QTMAN: variants seen among roughly 807,000 people sequenced by gnomAD.
QTMAN encodes the protein tRNA-queuosine alpha-mannosyltransferase.
chr2:144,174,416 T>A, the QTMAN span, among the ~76,000 whole-genome samples: 2 of 152,320 alleles, frequency 1.3e-5, no homozygotes, highest in African/African-American at 4.8e-5. Flanking sequence ...ATGTCCAGTG[T>A]CTCGAAAATC....
chr2:144,330,990 T>G, the QTMAN span, among the ~76,000 whole-genome samples: 19 of 152,208 alleles, frequency 1.2e-4, no homozygotes, highest in Admixed American at 1.2e-3. Context: ...CTTTGCAAAC[T>G]GGTGATGTTA....
At chr2:144,119,177 C>T in the QTMAN span, among the ~76,000 whole-genome samples, 1 of 151,954 alleles carries the variant, frequency 6.6e-6, no homozygotes, top group Admixed American at 6.6e-5. Flanking sequence ...GGATTAATTC[C>T]CAGAGTTCAT....
At chr2:144,146,137 T>C in the QTMAN span, among the ~76,000 whole-genome samples, 1 of 150,440 alleles carries the variant, frequency 6.6e-6, no homozygotes, top group African/African-American at 2.4e-5. Context: ...TCCTTCTTTA[T>C]GCAACCAACT....
the QTMAN span, among the ~76,000 whole-genome samples, chr2:144,296,517 CA>C: frequency 6.6e-6 from 1 of 152,058 alleles, no homozygotes; most frequent in Non-Finnish European, 1.5e-5. Context: ...TATTAAAGTA[CA>C]AAAAATATTC....
chr2:144,134,959 G>A, the QTMAN span, among the ~76,000 whole-genome samples: 67 of 152,042 alleles, frequency 4.4e-4, no homozygotes, highest in African/African-American at 1.6e-3. Flanking sequence ...GCAGACAATT[G>A]ATAAATATAT....
At chr2:144,222,205 G>A in the QTMAN span, among the ~76,000 whole-genome samples, 20 of 151,364 alleles carry the variant, frequency 1.3e-4, no homozygotes, top group Non-Finnish European at 2.2e-4. Flanking sequence ...GACAACAGGC[G>A]CCCGCCACCA....
the QTMAN span, among the ~76,000 whole-genome samples, chr2:143,958,788 T>A: frequency 3.3e-5 from 5 of 149,882 alleles, no homozygotes; most frequent in African/African-American, 1.2e-4. Flanking sequence ...CTTTCTTTTT[T>A]TTTTTTTTTT....
At chr2:144,178,273 G>A in the QTMAN span, 13 of 152,020 alleles carry the variant, frequency 8.6e-5, no homozygotes, top group African/African-American at 3.1e-4. Context: ...GATTCTTCAC[G>A]CTTATCCACC....
At chr2:144,124,402 T>C in the QTMAN span, among the ~76,000 whole-genome samples, 1 of 152,180 alleles carries the variant, frequency 6.6e-6, no homozygotes, top group Non-Finnish European at 1.5e-5. Flanking sequence ...TCATACGAAT[T>C]AAATAAGATA....
the QTMAN span, among the ~76,000 whole-genome samples, chr2:144,265,511 T>C: frequency 2.0e-5 from 3 of 151,888 alleles, no homozygotes; most frequent in African/African-American, 7.3e-5. Flanking sequence ...TCCTCGCTAA[T>C]ACGGTGAAAC....
chr2:144,232,861 T>C, the QTMAN span, among the ~76,000 whole-genome samples: 3 of 152,204 alleles, frequency 2.0e-5, no homozygotes, highest in African/African-American at 7.2e-5. Flanking sequence ...AAATTCATTA[T>C]GCCACATTTT....
At chr2:144,079,509 A>G in the QTMAN span, among the ~76,000 whole-genome samples, 1 of 152,134 alleles carries the variant, frequency 6.6e-6, no homozygotes, top group Non-Finnish European at 1.5e-5. Flanking sequence ...AAACATTCCT[A>G]CAATGCTCTG....
the QTMAN span, among the ~76,000 whole-genome samples, chr2:144,330,165 A>G: frequency 1.3e-5 from 2 of 152,236 alleles, no homozygotes; most frequent in African/African-American, 4.8e-5. Flanking sequence ...ATGACATTTC[A>G]GTCAACAAAA....
the QTMAN span, among the ~76,000 whole-genome samples, chr2:144,217,119 C>G: frequency 6.6e-6 from 1 of 152,244 alleles, no homozygotes; most frequent in East Asian, 1.9e-4. Context: ...TGGGAGAAAA[C>G]TGGGCTCCCT....
chr2:144,115,284 G>A, the QTMAN span, among the ~76,000 whole-genome samples: 12 of 152,068 alleles, frequency 7.9e-5, no homozygotes, highest in African/African-American at 2.9e-4. Flanking sequence ...TCTCTACGGT[G>A]GTTGTCTCTT....
the QTMAN span, among the ~76,000 whole-genome samples, chr2:144,071,438 C>G: frequency 3.3e-5 from 5 of 152,148 alleles, no homozygotes; most frequent in Non-Finnish European, 4.4e-5. Context: ...TTCACAACCA[C>G]TACCCTTTTT....
chr2:144,319,590 C>T, the QTMAN span: 1 of 151,804 alleles, frequency 6.6e-6, no homozygotes, highest in Admixed American at 6.6e-5. Context: ...GTCCTGAAGT[C>T]CTTGGAATCA....
chr2:144,051,590 G>C, the QTMAN span, among the ~76,000 whole-genome samples: 1 of 152,182 alleles, frequency 6.6e-6, no homozygotes, highest in Admixed American at 6.5e-5. Flanking sequence ...AATAGAGCAT[G>C]AGAGTTGCAA....
At chr2:144,038,358 A>G in the QTMAN span, among the ~76,000 whole-genome samples, 1 of 152,114 alleles carries the variant, frequency 6.6e-6, no homozygotes. Flanking sequence ...TATATTACAT[A>G]TGTGTGTTAT....
Sources: allele counts gnomAD v4.1 joint callset (sites outside exome capture counted in the v4.1 genomes callset), GRCh38; gene constraint gnomAD v4.1.1; transcripts MANE v1.5; gene names NCBI Gene and HGNC (gene_info 2026-07-23, HGNC 2026-07-21).